FBXL18: variants seen among roughly 807,000 people sequenced by gnomAD.
FBXL18 encodes F-box/LRR-repeat protein 18.
A neutral mutation model predicts 46.0 loss-of-function variants in FBXL18; 36 were observed. The ratio of observed to expected loss-of-function variants is 0.78; its 90% CI spans 0.60 to 1.03. The LOEUF is 1.03. Ranked by LOEUF, FBXL18 falls within the 50% of genes least tolerant of loss-of-function variation. The pLI, the probability that FBXL18 is intolerant of heterozygous loss-of-function variation, is 0.00. For synonymous variants in FBXL18, 557 were observed against 465.3 expected (o/e 1.20, Z -2.54); for missense variants, 977 against 1,004.1 (o/e 0.97, Z 0.36).
intron 4 of FBXL18, among the ~76,000 whole-genome samples, chr7:5,484,469 C>CAA (rs35237238): frequency 0.096 from 6,558 of 68,120 alleles, 308 homozygotes; most frequent in South Asian, 0.18. Flanking sequence ...GACTCTGTCT[C>CAA]AAAAAAAAAA....
Position 5,505,589 on chromosome 7 carries a change from G to A in FBXL18, c.60C>T (p.Ala20=), listed in dbSNP as rs747434750. Residue 20 remains alanine, a synonymous_variant, in exon 2 of 5, where the codon GCC becomes GCT. Transcript: ENST00000382368. ...GGAGGTGGACCCCGTCTGCCATCCC[G>A]GCTGCTGCAGGGTGCATGTCATCAT... ...NDDDDMHPAA[A]GMADGVHLLG... is the part of the protein sequence containing the mutation. 9.3e-6 allele frequency: 15 copies of A among 1,613,972 alleles called. No homozygotes were observed. The highest frequency in any genetic ancestry group is 1.6e-4 in the Middle Eastern group (1 of 6,062).
intron 4 of FBXL18, among the ~76,000 whole-genome samples, chr7:5,464,213 T>G (rs1783308661): frequency 6.6e-6 from 1 of 151,924 alleles, no homozygotes; most frequent in African/African-American, 2.4e-5. Flanking sequence ...GCATGGTGGC[T>G]CATGCCTGTA....
intron 4 of FBXL18, among the ~76,000 whole-genome samples, chr7:5,464,884 T>G (rs1287732830): frequency 1.3e-5 from 2 of 151,528 alleles, no homozygotes; most frequent in South Asian, 4.2e-4. Flanking sequence ...GACAACACGG[T>G]GAAACCCCGT....
At chr7:5,489,420 AG>A in intron 4 of FBXL18, 1 of 463,300 alleles carries the variant, frequency 2.2e-6, no homozygotes, top group East Asian at 5.6e-5. Context: ...GGATCACCTG[AG>A]GTCAGGAGTT....
chr7:5,455,666 G>A lies in FBXL18; in HGVS notation c.2001-7823C>T, dbSNP rs928939213. Among the ~76,000 whole-genome samples the A allele has an allele frequency of 2.0e-5, 3 of 152,040 alleles. No homozygotes were observed. The highest frequency in any genetic ancestry group is 4.4e-5 in the Non-Finnish European group (3 of 68,012). On this transcript the variant is annotated intron_variant and NMD_transcript_variant, in intron 4 of 6. Coordinates refer to the FBXL18 transcript ENST00000415009. The surrounding 1 kb of genome is among the most constrained non-coding windows in gnomAD (Gnocchi z 4.6). ...CTGACCATCCACTTCCCCGCAGGGG[G>A]GCTCAAACCCAGGCTGTGAATTCGG... is the stretch of plus-strand genomic sequence containing the variant.
chr7:5,493,598 A>T (rs966570765), intron 3 of FBXL18, among the ~76,000 whole-genome samples: 3 of 150,406 alleles, frequency 2.0e-5, no homozygotes, highest in South Asian at 2.1e-4. Flanking sequence ...CCTGGCCAAA[A>T]TTTTTTTTTT....
At chr7:5,468,205 G>A (rs113955669) in intron 4 of FBXL18, among the ~76,000 whole-genome samples, 4,354 of 152,116 alleles carry the variant, frequency 0.029, 166 homozygotes, top group African/African-American at 0.087. Context: ...GGATGGTCTC[G>A]ATCTCCTGAC....
chr7:5,511,873 A>G (rs1257947353), intron 1 of FBXL18, among the ~76,000 whole-genome samples: 2 of 152,026 alleles, frequency 1.3e-5, no homozygotes, highest in Non-Finnish European at 2.9e-5. Flanking sequence ...TAATCCCAGC[A>G]ATTTGGGAGG....
chr7:5,469,948 G>T lies in FBXL18; in HGVS notation c.2000+21283C>A, dbSNP rs1412052053. 2.6e-5 allele frequency among the ~76,000 whole-genome samples: 4 copies of T among 152,218 alleles called. 1 individual carries two copies. The South Asian group carries it at 8.3e-4, about 32-fold the overall frequency. On this transcript the variant is annotated intron_variant and NMD_transcript_variant, in intron 4 of 6. Transcript: ENST00000415009. ...ATGCGGAGTGTGCGAGTAAACGTCC[G>T]TGTGTGAATGTCAGAGTGTGGGATG...
intron 4 of FBXL18, among the ~76,000 whole-genome samples, chr7:5,486,899 C>T (rs572219744): frequency 6.6e-6 from 1 of 152,224 alleles, no homozygotes; most frequent in Non-Finnish European, 1.5e-5. Context: ...AGCCCGGGGC[C>T]AGGTCCTCCC....
At chr7:5,507,732 G>A (rs1784426977) in intron 1 of FBXL18, among the ~76,000 whole-genome samples, 2 of 151,990 alleles carry the variant, frequency 1.3e-5, no homozygotes, top group South Asian at 2.1e-4. Context: ...TACTCAGGAG[G>A]CTGAGGCAGG....
intron 4 of FBXL18, among the ~76,000 whole-genome samples, chr7:5,464,835 G>C (rs1045559880): frequency 6.6e-6 from 1 of 151,268 alleles, no homozygotes; most frequent in Non-Finnish European, 1.5e-5. Flanking sequence ...AGGCCGAGGT[G>C]GGCAAATCAC....
chr7:5,471,426 G>A (rs186989522), downstream of FBXL18, among the ~76,000 whole-genome samples: 822 of 152,242 alleles, frequency 5.4e-3, 2 homozygotes, highest in Non-Finnish European at 7.6e-3. Flanking sequence ...ACAGGCGCCC[G>A]CCACCACACC....
rs1381359755 is a variant in FBXL18, at chr7:5,501,456, G to A, written c.813C>T (p.Gly271=). Residue 271 remains glycine (G), a synonymous_variant, in exon 3 of 5, where the codon GGC becomes GGT. Transcript: ENST00000382368. ...TGGTGGCGCCGCTCTCCGCGAAGCT[G>A]CCAGGGACGGAGATGAGGAAGGCGT... is the stretch of plus-strand genomic sequence containing the variant. ...NLHAFLISVP[G]SFAESGATKN... is the part of the protein sequence containing the mutation. 8 of 1,613,626 alleles carry A rather than the reference G, an allele frequency of 5.0e-6. No individual in the cohort carries two copies. Among genetic ancestry groups the A allele is most frequent in the Non-Finnish European group, 6.8e-6 (8 of 1,180,038 alleles).
At chr7:5,502,974 C>T (rs1401739115) in intron 2 of FBXL18, among the ~76,000 whole-genome samples, 1 of 152,204 alleles carries the variant, frequency 6.6e-6, no homozygotes, top group Non-Finnish European at 1.5e-5. Flanking sequence ...TGTGCCTGTT[C>T]ACTGCAACAG....
intron 4 of FBXL18, among the ~76,000 whole-genome samples, chr7:5,484,661 C>T (rs1202212581): frequency 1.5e-5 from 2 of 137,686 alleles, no homozygotes; most frequent in Non-Finnish European, 3.1e-5. Context: ...TTTTTTGAGA[C>T]GCAGTCTTAC....
chr7:5,466,771 G>C (rs755262055), intron 4 of FBXL18, among the ~76,000 whole-genome samples: 2 of 152,158 alleles, frequency 1.3e-5, no homozygotes, highest in Non-Finnish European at 2.9e-5. Flanking sequence ...GAGGCAGGAG[G>C]GAGGCAGGAG....
intron 4 of FBXL18, among the ~76,000 whole-genome samples, chr7:5,459,790 G>A (rs1449102146): frequency 2.0e-5 from 3 of 151,978 alleles, no homozygotes; most frequent in Non-Finnish European, 4.4e-5. Context: ...GTGTGCACCT[G>A]TAATCCCAGC....
At chr7:5,463,256 G>A (rs2128231112) in intron 4 of FBXL18, among the ~76,000 whole-genome samples, 1 of 151,734 alleles carries the variant, frequency 6.6e-6, no homozygotes, top group South Asian at 2.1e-4. Flanking sequence ...TCCTGAAAAT[G>A]TTGCCGTATG....
Sources: gnomAD v4.1 joint callset for allele counts (sites outside exome capture counted in the v4.1 genomes callset) on GRCh38, gnomAD v4.1.1 for gene constraint, Gnocchi (gnomAD v3.1) non-coding constraint, MANE v1.5 for transcripts, NCBI Gene and HGNC (gene_info 2026-07-23, HGNC 2026-07-21) for gene names.